The following TSPAN18 variants were observed in gnomAD, a reference collection of about 807,000 sequenced individuals.
The protein encoded by TSPAN18 is tetraspanin-18.
In TSPAN18, 14 loss-of-function variants were observed where a neutral mutation model predicts 27.3. The ratio of observed to expected loss-of-function variants is 0.51; its 90% CI spans 0.34 to 0.80. The LOEUF (loss-of-function observed/expected upper bound fraction) is 0.80, where lower values mean the gene tolerates loss of function less well. Ranked by LOEUF, TSPAN18 falls within the 30% of genes least tolerant of loss-of-function variation. The pLI is 0.01. For missense variants in TSPAN18, 268 were observed against 323.9 expected (o/e 0.83, Z 1.32); for synonymous variants, 143 against 136.5 (o/e 1.05, Z -0.33).
chr11:44,842,613 G>T (rs1016832580), intron 2 of TSPAN18, among the ~76,000 whole-genome samples: 1 of 152,240 alleles, frequency 6.6e-6, no homozygotes, highest in East Asian at 1.9e-4. Flanking sequence ...AAAGGGAAGA[G>T]AAAGAAGAAA....
intron 8 of TSPAN18, among the ~76,000 whole-genome samples, chr11:44,921,401 T>C (rs138192323): frequency 6.6e-6 from 1 of 152,162 alleles, no homozygotes; most frequent in Non-Finnish European, 1.5e-5. Flanking sequence ...ACCCCTACTC[T>C]CTTGGGAAGG....
rs149403874 is a variant in TSPAN18 at position 44,909,812 on chromosome 11, C to T, written c.171C>T (p.Ile57=). Residue 57 remains isoleucine (I), a synonymous_variant, in exon 5 of 10, where the codon ATC becomes ATT. Transcript: ENST00000520358. ...CTCTGCTCCTCACGGGCGCCTACAT[C>T]CTCCTGGCCATGGGGGGCCTGCTCT... is the stretch of plus-strand genomic sequence containing the variant. ...ANPLLLTGAY[I]LLAMGGLLFL... is the part of the protein sequence containing the mutation. 2.7e-5 allele frequency: 43 copies of T among 1,613,910 alleles called. No homozygotes were observed. In the African/African-American group the frequency reaches 5.3e-4, roughly 20 times the overall value.
intron 2 of TSPAN18, among the ~76,000 whole-genome samples, chr11:44,785,503 C>G (rs1263361346): frequency 6.6e-6 from 1 of 151,896 alleles, no homozygotes; most frequent in Non-Finnish European, 1.5e-5. Flanking sequence ...AAGTTATCCT[C>G]ATGGTACATG....
intron 2 of TSPAN18, among the ~76,000 whole-genome samples, chr11:44,854,194 A>AGGGGGGGGGGGGGGGGGGGGGGGGGGGGG (rs1565178290): frequency 4.7e-4 from 1 of 2,142 alleles, no homozygotes; most frequent in African/African-American, 9.2e-4. Context: ...TCATTGGGGC[A>AGGGGGGGGGGGGGGGGGGGGGGGGGGGGG]GGGGGTGGGG....
chr11:44,734,285 A>G (rs1854735106), intron 1 of TSPAN18, among the ~76,000 whole-genome samples: 1 of 152,218 alleles, frequency 6.6e-6, no homozygotes, highest in African/African-American at 2.4e-5. Flanking sequence ...ACACACACGG[A>G]CTAAGATGGG....
intron 2 of TSPAN18, among the ~76,000 whole-genome samples, chr11:44,859,028 C>A (rs1016993336): frequency 6.6e-6 from 1 of 152,152 alleles, no homozygotes; most frequent in East Asian, 1.9e-4. Context: ...GCTTGCAGAG[C>A]GCTAATGACA....
chr11:44,821,310 G>T (rs1856923915), intron 2 of TSPAN18, among the ~76,000 whole-genome samples: 1 of 152,200 alleles, frequency 6.6e-6, no homozygotes. Flanking sequence ...TATCTAATAG[G>T]ATATTGGACT....
intron 1 of TSPAN18, among the ~76,000 whole-genome samples, chr11:44,753,963 C>G (rs1346348478): frequency 6.6e-6 from 1 of 152,174 alleles, no homozygotes; most frequent in East Asian, 1.9e-4. Context: ...TGACCGAGCT[C>G]TCTGGTTTTC....
rs146209566 is a variant in TSPAN18, at chr11:44,909,803, C to T, written c.162C>T (p.Gly54=). The change falls in exon 5 of 10, where the codon GGC becomes GGT. Residue 54 remains glycine, a synonymous_variant. Transcript: ENST00000520358. ...CTGCCAATCCTCTGCTCCTCACGGG[C>T]GCCTACATCCTCCTGGCCATGGGGG... ...IVAANPLLLT[G]AYILLAMGGL... 1.4e-5 allele frequency: 22 copies of T among 1,613,976 alleles called. No individual in the cohort carries two copies. The highest frequency in any genetic ancestry group is 1.2e-4 in the African/African-American group (9 of 75,038).
chr11:44,882,213 G>C (rs1858506996), intron 3 of TSPAN18, among the ~76,000 whole-genome samples: 1 of 152,142 alleles, frequency 6.6e-6, no homozygotes, highest in Admixed American at 6.5e-5. Context: ...TAGAAGCGCA[G>C]CATCCATGTG....
intron 2 of TSPAN18, among the ~76,000 whole-genome samples, chr11:44,857,145 T>C (rs1202535022): frequency 6.6e-6 from 1 of 152,118 alleles, no homozygotes; most frequent in Non-Finnish European, 1.5e-5. Context: ...GGGACTTAGG[T>C]AAAGGAATCT....
intron 2 of TSPAN18, among the ~76,000 whole-genome samples, chr11:44,788,383 G>A (rs1482731896): frequency 1.3e-5 from 2 of 151,988 alleles, no homozygotes; most frequent in African/African-American, 2.4e-5. Context: ...GAGTTTAAAC[G>A]TCAAGAGGCA....
chr11:44,854,583 G>A (rs1757016421), intron 2 of TSPAN18, among the ~76,000 whole-genome samples: 1 of 152,150 alleles, frequency 6.6e-6, no homozygotes, highest in Non-Finnish European at 1.5e-5. Context: ...CCAGCAGCTG[G>A]GAGAAAGTTC....
At position 44,800,158 on chromosome 11, in the gene TSPAN18, G is replaced by C. The variant is rs562780627; in HGVS notation, c.-153+35646G>C. On this transcript the variant is annotated intron_variant, in intron 2 of 9. Coordinates refer to ENST00000520358, the MANE Select transcript of TSPAN18 (RefSeq NM_130783.5). Reference sequence around the variant, plus strand: ...AGGTGTGAGCCACTGCGCCCAGCCTGGCAAGTACTTATTGAGCCAGGTACT... The same window carrying C: ...AGGTGTGAGCCACTGCGCCCAGCCTCGCAAGTACTTATTGAGCCAGGTACT... 1.9e-3 allele frequency among the ~76,000 whole-genome samples: 286 copies of C among 152,058 alleles called. 3 individuals carry two copies. The highest frequency in any genetic ancestry group is 6.7e-3 in the African/African-American group (277 of 41,492).
At chr11:44,810,604 C>CTTTTTTTTTTT (rs34519569) in intron 2 of TSPAN18, among the ~76,000 whole-genome samples, 2 of 138,480 alleles carry the variant, frequency 1.4e-5, no homozygotes, top group Non-Finnish European at 3.1e-5. Context: ...AATTTTTTTT[C>CTTTTTTTTTTT]TTTTTTTTTT....
At chr11:44,858,006 A>C (rs1857781741) in intron 2 of TSPAN18, among the ~76,000 whole-genome samples, 1 of 152,254 alleles carries the variant, frequency 6.6e-6, no homozygotes, top group Admixed American at 6.5e-5. Context: ...CTCATAAAGC[A>C]AATAGGGGTT....
chr11:44,923,668 C>A (rs1400498099), intron 8 of TSPAN18, among the ~76,000 whole-genome samples: 2 of 152,212 alleles, frequency 1.3e-5, no homozygotes, highest in Non-Finnish European at 2.9e-5. Context: ...AAGTTAGCCA[C>A]TGCTCCTCCC....
chr11:44,856,974 T>C (rs988969856), intron 2 of TSPAN18, among the ~76,000 whole-genome samples: 2 of 152,222 alleles, frequency 1.3e-5, no homozygotes, highest in Non-Finnish European at 2.9e-5. Context: ...GGTTTACTGC[T>C]GCGTAAATGG....
intron 3 of TSPAN18, among the ~76,000 whole-genome samples, chr11:44,892,934 T>G (rs1023988889): frequency 6.6e-6 from 1 of 152,088 alleles, no homozygotes; most frequent in African/African-American, 2.4e-5. Context: ...TACGTGCAGG[T>G]GTAATAAGTC....
Sources: gnomAD v4.1 joint callset for allele counts (sites outside exome capture counted in the v4.1 genomes callset) on GRCh38, gnomAD v4.1.1 for gene constraint, MANE v1.5 for transcripts, NCBI Gene and HGNC (gene_info 2026-07-23, HGNC 2026-07-21) for gene names.